The following CSMD2 variants were observed in gnomAD, a reference collection of about 807,000 sequenced individuals.
CSMD2 encodes the protein CUB and sushi domain-containing protein 2.
A neutral mutation model predicts 398.5 loss-of-function variants in CSMD2; 130 were observed. The ratio of observed to expected loss-of-function variants is 0.33; its 90% confidence interval spans 0.28 to 0.38. The LOEUF (loss-of-function observed/expected upper bound fraction) is 0.38. Ranked by LOEUF, CSMD2 falls within the 10% of genes least tolerant of loss-of-function variation. The pLI is 1.00. For synonymous variants in CSMD2, 1,828 were observed against 1,908.5 expected (o/e 0.96, Z 1.10); for missense variants, 3,829 against 4,764.9 (o/e 0.80, Z 5.78).
chr1:34,045,397 G>A (rs1312140633), intron 2 of CSMD2, among the ~76,000 whole-genome samples: 1 of 152,140 alleles, frequency 6.6e-6, no homozygotes. Flanking sequence ...CTCAAGATCT[G>A]GAGATCCTTG....
intron 13 of CSMD2, among the ~76,000 whole-genome samples, chr1:33,758,821 A>G (rs1180006423): frequency 6.6e-6 from 1 of 152,126 alleles, no homozygotes; most frequent in Non-Finnish European, 1.5e-5. Flanking sequence ...AATGTACTTG[A>G]GTAGTTTGGC....
chr1:34,070,536 G>A (rs1016652136), intron 2 of CSMD2, among the ~76,000 whole-genome samples: 5 of 152,190 alleles, frequency 3.3e-5, no homozygotes, highest in African/African-American at 1.2e-4. Flanking sequence ...ACTTCAATTG[G>A]ATTGTTGGGA....
chr1:33,806,662 TA>T (rs1656265891), intron 10 of CSMD2, among the ~76,000 whole-genome samples: 2 of 152,216 alleles, frequency 1.3e-5, no homozygotes, highest in African/African-American at 4.8e-5. Flanking sequence ...AAGAATGATC[TA>T]AACATAAGAG....
intron 1 of CSMD2, among the ~76,000 whole-genome samples, chr1:34,142,166 T>C (rs1639353861): frequency 6.6e-6 from 1 of 152,164 alleles, no homozygotes; most frequent in South Asian, 2.1e-4. Flanking sequence ...CTCTGAGCCA[T>C]TCTTTTGCTG....
intron 1 of CSMD2, among the ~76,000 whole-genome samples, chr1:34,154,402 A>G (rs994869738): frequency 2.0e-5 from 3 of 152,252 alleles, no homozygotes; most frequent in African/African-American, 7.2e-5. Flanking sequence ...GTCCAGAACT[A>G]TTCTCACACA....
chr1:33,941,387 C>A (rs1384291828), intron 3 of CSMD2, among the ~76,000 whole-genome samples: 5 of 152,166 alleles, frequency 3.3e-5, no homozygotes, highest in African/African-American at 1.2e-4. Flanking sequence ...GTTTTGATTT[C>A]TTCTCTTCCA....
chr1:33,583,017 G>A lies in CSMD2; in HGVS notation c.7240+625C>T, dbSNP rs556729862. On this transcript the variant is annotated intron_variant, in intron 47 of 70. Coordinates refer to ENST00000373381, the MANE Select transcript of CSMD2 (RefSeq NM_001281956.2). The stretch of plus-strand genomic sequence containing the variant: ...ACTTCTCCTGCTCTCTGTCATAACC[G>A]AGTATAAAGGGATGTGGACCATCTG... Among the ~76,000 whole-genome samples the A allele has an allele frequency of 2.1e-4, 32 of 152,284 alleles. 1 individual carries two copies. The highest frequency in any genetic ancestry group is 6.5e-4 in the African/African-American group (27 of 41,560).
At chr1:33,907,949 T>C (rs1321438383) in intron 5 of CSMD2, among the ~76,000 whole-genome samples, 1 of 151,810 alleles carries the variant, frequency 6.6e-6, no homozygotes, top group Non-Finnish European at 1.5e-5. Flanking sequence ...TAGCTGGGCA[T>C]GGTGGCATGT....
At chr1:33,889,758 T>TGTGTGTGTGG (rs1246080735) in intron 5 of CSMD2, among the ~76,000 whole-genome samples, 1 of 137,388 alleles carries the variant, frequency 7.3e-6, no homozygotes, top group Non-Finnish European at 1.5e-5. Flanking sequence ...CTATCCTGTG[T>TGTGTGTGTGG]GTGTGTGTGT....
chr1:34,049,681 A>G (rs975942093), intron 2 of CSMD2, among the ~76,000 whole-genome samples: 5 of 152,198 alleles, frequency 3.3e-5, no homozygotes, highest in Middle Eastern at 3.2e-3. Context: ...AGGGACTGAC[A>G]TGTGAAAACA....
intron 13 of CSMD2, among the ~76,000 whole-genome samples, chr1:33,746,102 C>T (rs547189551): frequency 1.4e-4 from 22 of 152,218 alleles, no homozygotes; most frequent in African/African-American, 4.8e-4. Context: ...CCTATGTGAC[C>T]GTGGAGTCTT....
chr1:33,785,236 T>G (rs896926594), intron 12 of CSMD2, among the ~76,000 whole-genome samples: 2 of 152,198 alleles, frequency 1.3e-5, no homozygotes, highest in Non-Finnish European at 2.9e-5. Context: ...CTGAGTGAAA[T>G]GGACAAATGA....
At chr1:33,565,520 A>C (rs554068105) in intron 53 of CSMD2, among the ~76,000 whole-genome samples, 56 of 152,320 alleles carry the variant, frequency 3.7e-4, no homozygotes, top group African/African-American at 1.3e-3. Context: ...GAGATAAAGA[A>C]GTAAAAACAA....
intron 1 of CSMD2, among the ~76,000 whole-genome samples, chr1:34,135,701 T>C (rs1166461074): frequency 6.7e-6 from 1 of 148,974 alleles, no homozygotes; most frequent in Non-Finnish European, 1.5e-5. Flanking sequence ...CTAAGAGGAA[T>C]GAGATAAATC....
intron 46 of CSMD2, 42 bp from the exon 47 acceptor site, chr1:33,583,872 G>C: frequency 1.9e-6 from 3 of 1,559,878 alleles, no homozygotes; most frequent in Non-Finnish European, 1.8e-6. Context: ...TGGGGGTGGA[G>C]ATGGAACTAC....
chr1:33,666,780 G>A (rs1046353860), intron 25 of CSMD2, among the ~76,000 whole-genome samples: 2 of 152,088 alleles, frequency 1.3e-5, no homozygotes, highest in African/African-American at 2.4e-5. Flanking sequence ...GCTGCCCCCT[G>A]CCTTCTCTGC....
At chr1:34,045,455 G>A (rs1652410856) in intron 2 of CSMD2, among the ~76,000 whole-genome samples, 1 of 152,176 alleles carries the variant, frequency 6.6e-6, no homozygotes, top group Non-Finnish European at 1.5e-5. Flanking sequence ...CTAGATATCT[G>A]CTGAAAAAAC....
chr1:33,650,116 CCTAA>C (rs1164198234), intron 28 of CSMD2, among the ~76,000 whole-genome samples: 1 of 152,208 alleles, frequency 6.6e-6, no homozygotes, highest in African/African-American at 2.4e-5. Context: ...ATCACCACTT[CCTAA>C]CTAACTGCCT....
intron 4 of CSMD2, among the ~76,000 whole-genome samples, chr1:33,929,984 G>A (rs1433064451): frequency 6.6e-6 from 1 of 152,076 alleles, no homozygotes; most frequent in Non-Finnish European, 1.5e-5. Flanking sequence ...TTACTTCCTC[G>A]TAGCTCCTAC....
Sources: gnomAD v4.1 joint callset for allele counts (sites outside exome capture counted in the v4.1 genomes callset) on GRCh38, gnomAD v4.1.1 for gene constraint, MANE v1.5 for transcripts, NCBI Gene and HGNC (gene_info 2026-07-23, HGNC 2026-07-21) for gene names.